The following STAG1 variants were observed in gnomAD, a reference collection of about 807,000 sequenced individuals.
STAG1 encodes STAG1 cohesin complex component.
Under a neutral mutation model 170.9 loss-of-function variants are expected in STAG1, and 26 were observed. The ratio of observed to expected loss-of-function variants is 0.15; its 90% CI spans 0.11 to 0.21. The LOEUF (loss-of-function observed/expected upper bound fraction) is 0.21, where lower values mean the gene tolerates loss of function less well. STAG1 is among the 10% of genes least tolerant of loss of function. The probability of loss-of-function intolerance (pLI) is 1.00; values close to 1 mark genes in which losing one functional copy is unlikely to be tolerated. For synonymous variants in STAG1, 514 were observed against 497.7 expected, an observed-to-expected ratio of 1.03 and a Z score of -0.44; for missense variants, 964 against 1,509.5, an observed-to-expected ratio of 0.64 and a Z score of 5.99.
chr3:136,615,500 G>A (rs981351399), intron 3 of STAG1, among the ~76,000 whole-genome samples: 4 of 150,676 alleles, frequency 2.7e-5, no homozygotes, highest in African/African-American at 9.7e-5. Context: ...CATATTCGTG[G>A]CCGGTCGGTG....
At chr3:136,676,330 G>A (rs1942128406) in intron 1 of STAG1, among the ~76,000 whole-genome samples, 1 of 152,122 alleles carries the variant, frequency 6.6e-6, no homozygotes, top group Admixed American at 6.6e-5. Context: ...TTTCAATAAT[G>A]TCTTAACCTT....
At chr3:136,396,209 G>GTTTTTTTTTTTTTT (rs1157402968) in intron 22 of STAG1, among the ~76,000 whole-genome samples, 1 of 87,952 alleles carries the variant, frequency 1.1e-5, no homozygotes, top group African/African-American at 4.2e-5. Context: ...GTGTAACACA[G>GTTTTTTTTTTTTTT]TTTTTTTTTT....
chr3:136,370,507 C>A (rs1937273239), intron 23 of STAG1, among the ~76,000 whole-genome samples: 1 of 152,148 alleles, frequency 6.6e-6, no homozygotes, highest in Non-Finnish European at 1.5e-5. Context: ...CTATCCCTCA[C>A]CACTCCCCCC....
At chr3:136,433,735 A>T (rs542998034) in intron 15 of STAG1, 76 bp from the exon 16 acceptor site, 12 of 933,002 alleles carry the variant, frequency 1.3e-5, no homozygotes, top group South Asian at 8.7e-5. Flanking sequence ...ACACATTATT[A>T]AAAAAACTGA....
At chr3:136,357,568 T>C (rs1248108093) in intron 28 of STAG1, 152 bp downstream of exon 28, 1 of 565,832 alleles carries the variant, frequency 1.8e-6, no homozygotes, top group South Asian at 2.8e-5. Context: ...ACTACATAAA[T>C]GCTTGAAGGA....
chr3:136,748,521 T>A (rs1935065338), intron 1 of STAG1, among the ~76,000 whole-genome samples: 1 of 152,024 alleles, frequency 6.6e-6, no homozygotes, highest in East Asian at 1.9e-4. Context: ...CTCGGCCTCC[T>A]GAGTAGTAGG....
chr3:136,567,705 A>C (rs1430869900), intron 5 of STAG1, among the ~76,000 whole-genome samples: 1 of 152,180 alleles, frequency 6.6e-6, no homozygotes, highest in Non-Finnish European at 1.5e-5. Flanking sequence ...ATCTGGAATA[A>C]ATTTACCTAA....
intron 15 of STAG1, among the ~76,000 whole-genome samples, chr3:136,438,240 C>G (rs200088196): frequency 1.6e-5 from 2 of 128,210 alleles, no homozygotes; most frequent in Non-Finnish European, 3.2e-5. Flanking sequence ...AGTTTCTTTT[C>G]TTTTTTTTTT....
chr3:136,467,597 C>A (rs1018899122), intron 12 of STAG1, among the ~76,000 whole-genome samples: 3 of 152,072 alleles, frequency 2.0e-5, no homozygotes, highest in Non-Finnish European at 2.9e-5. Flanking sequence ...TTAGACAGAT[C>A]GATGAGACAG....
chr3:136,398,328 G>C lies in STAG1; in HGVS notation c.2277+421C>G, dbSNP rs139563798. 5.9e-3 allele frequency among the ~76,000 whole-genome samples: 896 copies of C among 152,200 alleles called. 11 individuals are homozygous for C. The highest frequency in any genetic ancestry group is 0.02 in the African/African-American group (848 of 41,518). ...AGATGGAGTTTCACCATATTGGCCA[G>C]GCTGGTCTTGAACTCCTGACCTCAA... On this transcript the variant is annotated intron_variant, in intron 22 of 33. Coordinates refer to ENST00000383202, the MANE Select transcript of STAG1 (RefSeq NM_005862.3).
chr3:136,454,581 T>A (rs1213849830), intron 13 of STAG1, among the ~76,000 whole-genome samples: 7 of 151,856 alleles, frequency 4.6e-5, no homozygotes, highest in African/African-American at 1.7e-4. Context: ...GGTTTCACCA[T>A]GTTGGCCAGG....
intron 1 of STAG1, among the ~76,000 whole-genome samples, chr3:136,700,171 T>C (rs1296818424): frequency 6.8e-6 from 1 of 148,042 alleles, no homozygotes; most frequent in South Asian, 2.2e-4. Context: ...ACCTCCCAAA[T>C]TGTTTCTTTT....
intron 1 of STAG1, among the ~76,000 whole-genome samples, chr3:136,691,206 C>T (rs1023393098): frequency 5.3e-5 from 8 of 151,828 alleles, no homozygotes; most frequent in African/African-American, 9.7e-5. Context: ...GAGGCCAAGG[C>T]GGGCAGATCA....
At position 136,372,486 on chromosome 3, in the gene STAG1, T is replaced by C. The variant is rs1212181762; in HGVS notation, c.2371-3204A>G. On this transcript the variant is annotated intron_variant, in intron 23 of 33. Coordinates refer to ENST00000383202, the MANE Select transcript of STAG1 (RefSeq NM_005862.3). ...TCCAGTATGATATTGACTGTGGGTT[T>C]GTCATAGATAGCTCTTATTATTTTG... Among the ~76,000 whole-genome samples, 3 of 152,196 alleles carry C rather than the reference T, an allele frequency of 2.0e-5. No individual in the cohort carries two copies. In the South Asian group the frequency reaches 6.2e-4, roughly 32 times the overall value.
intron 6 of STAG1, among the ~76,000 whole-genome samples, chr3:136,538,755 G>A (rs1398920353): frequency 6.6e-6 from 1 of 152,134 alleles, no homozygotes. Context: ...CCTCTCGTAC[G>A]TTAAAAACTA....
chr3:136,608,624 G>C (rs915481689), intron 3 of STAG1, among the ~76,000 whole-genome samples: 1 of 149,766 alleles, frequency 6.7e-6, no homozygotes, highest in Admixed American at 6.7e-5. Context: ...AGACCAGCCT[G>C]AGCAACATGG....
chr3:136,660,339 A>T (rs1468834947), intron 1 of STAG1, among the ~76,000 whole-genome samples: 2 of 152,236 alleles, frequency 1.3e-5, no homozygotes, highest in African/African-American at 4.8e-5. Context: ...GTTACTTTTA[A>T]CGTATGGCCC....
At chr3:136,619,227 T>A (rs1461641410) in intron 3 of STAG1, among the ~76,000 whole-genome samples, 2 of 151,008 alleles carry the variant, frequency 1.3e-5, no homozygotes, top group Non-Finnish European at 2.9e-5. Flanking sequence ...GGTGGGGCAG[T>A]GCTTATTTAA....
intron 15 of STAG1, among the ~76,000 whole-genome samples, chr3:136,439,002 G>T (rs2088544620): frequency 6.6e-6 from 1 of 151,720 alleles, no homozygotes; most frequent in Non-Finnish European, 1.5e-5. Flanking sequence ...TTCGAGACCA[G>T]CCTGGCCAAC....
Sources: allele counts gnomAD v4.1 joint callset (sites outside exome capture counted in the v4.1 genomes callset), GRCh38; gene constraint gnomAD v4.1.1; transcripts MANE v1.5; gene names NCBI Gene and HGNC (gene_info 2026-07-23, HGNC 2026-07-21).